Variants in PRKCA observed in about 807,000 individuals in gnomAD.
The protein encoded by PRKCA is protein kinase C alpha.
A neutral mutation model predicts 87.0 loss-of-function variants in PRKCA; 27 were observed. The observed-to-expected ratio is 0.31, with a 90% CI of 0.23 to 0.43. The LOEUF is 0.43. Ranked by LOEUF, PRKCA falls within the 20% of genes least tolerant of loss-of-function variation. The pLI is 1.00. For missense variants in PRKCA, 518 were observed against 852.3 expected (o/e 0.61, Z 4.88); for synonymous variants, 329 against 311.1 (o/e 1.06, Z -0.61).
intron 8 of PRKCA, among the ~76,000 whole-genome samples, chr17:66,699,430 G>T: frequency 6.6e-6 from 1 of 152,136 alleles, no homozygotes; most frequent in East Asian, 1.9e-4. Context: ...TAACCCAGAA[G>T]ATATGAATAA....
chr17:66,735,644 C>T lies in PRKCA; in HGVS notation c.1212C>T (p.His404=). 1 of 1,614,056 alleles carries T rather than the reference C, an allele frequency of 6.2e-7. No homozygotes were observed. The highest frequency in any genetic ancestry group is 2.2e-5 in the East Asian group (1 of 44,864). The part of the protein sequence containing the change: ...LDKPPFLTQL[H]SCFQTVDRLY... ...AACCCCCGTTCTTGACGCAGCTGCACTCCTGCTTCCAGACAGTGGTAAGGA... is the reference window on the plus strand; with the variant it reads ...AACCCCCGTTCTTGACGCAGCTGCATTCCTGCTTCCAGACAGTGGTAAGGA... Residue 404 remains histidine (H), a synonymous_variant, in exon 10 of 17, where the codon CAC becomes CAT. Coordinates refer to ENST00000413366, the MANE Select transcript of PRKCA (RefSeq NM_002737.3).
At chr17:66,748,296 A>T (rs1215228715) in intron 13 of PRKCA, among the ~76,000 whole-genome samples, 1 of 152,206 alleles carries the variant, frequency 6.6e-6, no homozygotes, top group African/African-American at 2.4e-5. Flanking sequence ...TTTTTATGTA[A>T]AATACACCTA....
At chr17:66,570,724 G>C (rs772548793) in intron 3 of PRKCA, among the ~76,000 whole-genome samples, 1 of 152,222 alleles carries the variant, frequency 6.6e-6, no homozygotes, top group East Asian at 1.9e-4. Flanking sequence ...AACTGTGCTC[G>C]TCTGGAGCTG....
chr17:66,726,605 G>A (rs970991675), intron 8 of PRKCA, among the ~76,000 whole-genome samples: 9 of 151,764 alleles, frequency 5.9e-5, no homozygotes, highest in East Asian at 5.8e-4. Context: ...GGACCGAGGC[G>A]GAGGGAGTGG....
intron 2 of PRKCA, among the ~76,000 whole-genome samples, chr17:66,321,693 A>G (rs1389110326): frequency 3.3e-5 from 5 of 152,104 alleles, no homozygotes; most frequent in African/African-American, 1.2e-4. Flanking sequence ...ACAGGCATGC[A>G]CCACTGCACT....
chr17:66,352,479 C>T (rs1040880566), intron 2 of PRKCA, among the ~76,000 whole-genome samples: 1 of 147,396 alleles, frequency 6.8e-6, no homozygotes, highest in African/African-American at 2.5e-5. Flanking sequence ...TGACATTCTT[C>T]TGGTTAGCTT....
At chr17:66,519,149 G>T (rs1278096557) in intron 3 of PRKCA, among the ~76,000 whole-genome samples, 1 of 152,114 alleles carries the variant, frequency 6.6e-6, no homozygotes, top group Non-Finnish European at 1.5e-5. Context: ...GCCGTCCGTT[G>T]TTAGGTGCTC....
intron 15 of PRKCA, among the ~76,000 whole-genome samples, chr17:66,788,356 A>AT (rs1975451193): frequency 2.6e-5 from 4 of 152,170 alleles, no homozygotes; most frequent in African/African-American, 9.7e-5. Context: ...TCCTTGTTAT[A>AT]GCATTTATTT....
chr17:66,566,442 G>A (rs888286255), intron 3 of PRKCA, among the ~76,000 whole-genome samples: 1 of 150,064 alleles, frequency 6.7e-6, no homozygotes, highest in South Asian at 2.1e-4. Flanking sequence ...CAGACTTGTT[G>A]GAAGACAGGC....
intron 3 of PRKCA, among the ~76,000 whole-genome samples, chr17:66,513,976 A>G (rs746375270): frequency 1.3e-5 from 2 of 152,244 alleles, no homozygotes; most frequent in Non-Finnish European, 2.9e-5. Flanking sequence ...TTCTGTTTAC[A>G]GTAGTCCCCA....
intron 3 of PRKCA, among the ~76,000 whole-genome samples, chr17:66,571,255 C>T (rs568097854): frequency 1.3e-5 from 2 of 152,270 alleles, no homozygotes; most frequent in South Asian, 2.1e-4. Flanking sequence ...GTACTTATTT[C>T]TGTGTTTTCA....
chr17:66,427,817 G>T (rs1033602789), intron 2 of PRKCA, among the ~76,000 whole-genome samples: 1 of 152,168 alleles, frequency 6.6e-6, no homozygotes, highest in Non-Finnish European at 1.5e-5. Context: ...CAATTTATTG[G>T]CATAAATTAA....
intron 3 of PRKCA, among the ~76,000 whole-genome samples, chr17:66,620,437 A>G (rs894944122): frequency 6.6e-6 from 1 of 152,196 alleles, no homozygotes; most frequent in South Asian, 2.1e-4. Flanking sequence ...GGAAAATGCA[A>G]CTTTTCTAGA....
chr17:66,363,693 C>CTTATTTATTTATTTAT (rs112589987), intron 2 of PRKCA, among the ~76,000 whole-genome samples: 4 of 151,132 alleles, frequency 2.6e-5, no homozygotes, highest in Non-Finnish European at 1.5e-5. Context: ...TAGGGATGGG[C>CTTATTTATTTATTTAT]TTATTTATTT....
chr17:66,745,047 G>C (rs1298252018), intron 13 of PRKCA, among the ~76,000 whole-genome samples: 1 of 152,206 alleles, frequency 6.6e-6, no homozygotes, highest in East Asian at 1.9e-4. Context: ...CCTAGCTCAA[G>C]ATCCTTAATT....
chr17:66,450,025 T>G (rs1482875622), intron 2 of PRKCA, among the ~76,000 whole-genome samples: 1 of 152,088 alleles, frequency 6.6e-6, no homozygotes, highest in Non-Finnish European at 1.5e-5. Flanking sequence ...GTTTTTGTTT[T>G]TTTTTTAAGC....
intron 2 of PRKCA, among the ~76,000 whole-genome samples, chr17:66,350,089 G>T (rs1907648019): frequency 6.6e-6 from 1 of 152,190 alleles, no homozygotes; most frequent in South Asian, 2.1e-4. Flanking sequence ...CAGAGCGATG[G>T]CCTTTCAGGT....
intron 8 of PRKCA, among the ~76,000 whole-genome samples, chr17:66,697,567 A>C (rs1226720593): frequency 6.6e-6 from 1 of 152,178 alleles, no homozygotes; most frequent in Non-Finnish European, 1.5e-5. Context: ...AGAGCATAGT[A>C]AGTAAGCACC....
At chr17:66,392,376 T>TA (rs1947996829) in intron 2 of PRKCA, among the ~76,000 whole-genome samples, 1 of 152,236 alleles carries the variant, frequency 6.6e-6, no homozygotes, top group African/African-American at 2.4e-5. Context: ...TTTGCATAGA[T>TA]ACCGGTTTAC....
Sources: allele counts gnomAD v4.1 joint callset (sites outside exome capture counted in the v4.1 genomes callset), GRCh38; gene constraint gnomAD v4.1.1; transcripts MANE v1.5; gene names NCBI Gene and HGNC (gene_info 2026-07-23, HGNC 2026-07-21).